Variants in TCF4 observed in about 807,000 individuals in gnomAD.
The protein encoded by TCF4 is SL3-3 enhancer factor 2.
TCF4 carries 3 observed loss-of-function variants against 82.1 expected under a neutral mutation model. The observed-to-expected ratio is 0.04, with a 90% CI of 0.02 to 0.09. TCF4 has a LOEUF of 0.09. TCF4 is among the 10% of genes least tolerant of loss of function. TCF4 has a pLI of 1.00. For missense variants in TCF4, 518 were observed against 852.7 expected, an observed-to-expected ratio of 0.61 and a Z score of 4.89; for synonymous variants, 276 against 309.6, an observed-to-expected ratio of 0.89 and a Z score of 1.14.
chr18:55,370,800 C>T (rs183488867), intron 6 of TCF4, among the ~76,000 whole-genome samples: 60 of 151,888 alleles, frequency 4.0e-4, no homozygotes, highest in Admixed American at 7.2e-4. Context: ...GGTGAGGCCA[C>T]GAAAATATTA....
At chr18:55,550,138 C>T (rs2097248085) in intron 3 of TCF4, 1 of 152,168 alleles carries the variant, frequency 6.6e-6, no homozygotes, top group Non-Finnish European at 1.5e-5. Flanking sequence ...TCTAACTTCT[C>T]TTAGACACAC....
intron 6 of TCF4, among the ~76,000 whole-genome samples, chr18:55,368,624 A>T (rs1188029218): frequency 1.3e-5 from 2 of 152,218 alleles, no homozygotes; most frequent in Non-Finnish European, 2.9e-5. Context: ...TGCAAGTATC[A>T]GCTTACAGGA....
intron 5 of TCF4, among the ~76,000 whole-genome samples, chr18:55,417,346 G>C (rs1225660461): frequency 6.6e-6 from 1 of 152,126 alleles, no homozygotes; most frequent in South Asian, 2.1e-4. Context: ...ACGTCTTCAA[G>C]ACAAATGCTA....
chr18:55,443,570 G>T (rs2095477784), intron 5 of TCF4, among the ~76,000 whole-genome samples: 1 of 152,162 alleles, frequency 6.6e-6, no homozygotes, highest in Non-Finnish European at 1.5e-5. Context: ...TTTCTCAAGA[G>T]ACCCAACAAG....
At chr18:55,321,376 C>A (rs1602565046) in intron 8 of TCF4, 5 of 386,268 alleles carry the variant, frequency 1.3e-5, no homozygotes, top group South Asian at 9.5e-5. Flanking sequence ...AAAAAAAAAT[C>A]ATACCACCTC....
At chr18:55,282,015 C>T (rs1222315989) in intron 8 of TCF4, among the ~76,000 whole-genome samples, 1 of 151,854 alleles carries the variant, frequency 6.6e-6, no homozygotes, top group African/African-American at 2.4e-5. Flanking sequence ...AGGCAACGGA[C>T]CACTGTTTAT....
At chr18:55,387,357 GCT>G (rs2146026670) in intron 6 of TCF4, among the ~76,000 whole-genome samples, 1 of 152,298 alleles carries the variant, frequency 6.6e-6, no homozygotes, top group South Asian at 2.1e-4. Flanking sequence ...GATAGTCAAG[GCT>G]CTCTCTAGTT....
At chr18:55,270,038 T>G (rs2145960530) in intron 10 of TCF4, 75 bp from the exon 11 acceptor site, 1 of 1,569,644 alleles carries the variant, frequency 6.4e-7, no homozygotes, top group East Asian at 2.3e-5. Flanking sequence ...AATACTTTTC[T>G]CACAACTCTC....
At chr18:55,275,288 A>G (rs571398011) in intron 10 of TCF4, among the ~76,000 whole-genome samples, 1 of 150,806 alleles carries the variant, frequency 6.6e-6, no homozygotes, top group Non-Finnish European at 1.5e-5. Flanking sequence ...AAAAAAAAAA[A>G]AAAAAAAAAA....
intron 2 of TCF4, among the ~76,000 whole-genome samples, chr18:55,603,087 T>C (rs1244576621): frequency 2.0e-5 from 3 of 152,194 alleles, no homozygotes; most frequent in Non-Finnish European, 4.4e-5. Flanking sequence ...TTACCAGCTT[T>C]GTGACCCTAG....
In TCF4 at chr18:55,503,358, T is replaced by TTCA. The variant is rs140707538; in HGVS notation, c.146-39224_146-39222dup. ...TCTCCATATTTTGGGCATCATCAAT[T>TTCA]TCATCATCATCATCATCATCATCAC... On this transcript the variant is annotated intron_variant, in intron 3 of 19. Transcript: ENST00000354452. 3.4e-3 allele frequency among the ~76,000 whole-genome samples: 517 copies of TTCA among 152,024 alleles called. 5 individuals are homozygous for TTCA. The highest frequency in any genetic ancestry group is 0.011 in the African/African-American group (464 of 41,482).
intron 6 of TCF4, among the ~76,000 whole-genome samples, chr18:55,357,157 A>G (rs1343522834): frequency 6.6e-6 from 1 of 152,176 alleles, no homozygotes; most frequent in Non-Finnish European, 1.5e-5. Flanking sequence ...TATTGTATAC[A>G]CTAAAGCGAG....
chr18:55,321,489 C>T (rs1005034922), intron 8 of TCF4: 47 of 911,064 alleles, frequency 5.2e-5, no homozygotes, highest in Non-Finnish European at 7.2e-5. Flanking sequence ...GAAAAAAAGA[C>T]GAAGGAGAAG....
chr18:55,274,378 C>A (rs568088413), intron 10 of TCF4, among the ~76,000 whole-genome samples: 35 of 152,178 alleles, frequency 2.3e-4, no homozygotes, highest in Non-Finnish European at 4.0e-4. Context: ...TTTCCACTGT[C>A]TGCCTCTCAG....
chr18:55,555,870 C>T (rs577269658), intron 3 of TCF4, among the ~76,000 whole-genome samples: 3 of 152,244 alleles, frequency 2.0e-5, no homozygotes, highest in African/African-American at 7.2e-5. Flanking sequence ...AATGGACTGC[C>T]TGTGAGACCA....
At position 55,234,781 on chromosome 18, in the gene TCF4, A is replaced by G. The variant is rs556416859; in HGVS notation, c.1351-98T>C. 6.3e-6 allele frequency: 10 copies of G among 1,579,412 alleles called. No homozygotes were observed. The African/African-American group carries it at 1.3e-4, about 21-fold the overall frequency. On this transcript the variant is annotated intron_variant, in intron 15 of 19. Transcript: ENST00000354452. ...GACCTGATGAAGGCTGGCTTTTCAA[A>G]AACCATACTCCCAAACGCGTTTCAC...
intron 8 of TCF4, among the ~76,000 whole-genome samples, chr18:55,288,085 G>A (rs1326234367): frequency 2.6e-5 from 4 of 152,120 alleles, no homozygotes; most frequent in African/African-American, 9.7e-5. Context: ...TTCCAACTCT[G>A]AGGCAGCAAA....
At chr18:55,434,472 T>C (rs4801153) in intron 5 of TCF4, among the ~76,000 whole-genome samples, 37,151 of 144,864 alleles carry the variant, frequency 0.26, 4,863 homozygotes, top group East Asian at 0.47. Flanking sequence ...GAGGCTAGAG[T>C]GCAGTGGCGC....
At chr18:55,505,879 T>C (rs2096754122) in intron 3 of TCF4, among the ~76,000 whole-genome samples, 1 of 147,692 alleles carries the variant, frequency 6.8e-6, no homozygotes, top group Non-Finnish European at 1.5e-5. Flanking sequence ...CTGGGAAACA[T>C]ACACCCAGTC....
Sources: allele counts gnomAD v4.1 joint callset (sites outside exome capture counted in the v4.1 genomes callset), GRCh38; gene constraint gnomAD v4.1.1; transcripts MANE v1.5; gene names NCBI Gene and HGNC (gene_info 2026-07-23, HGNC 2026-07-21).